Variants in FBRSL1 observed in about 807,000 individuals in gnomAD.
FBRSL1 encodes fibrosin like 1.
A neutral mutation model predicts 89.6 loss-of-function variants in FBRSL1; 51 were observed. That is an observed-to-expected ratio of 0.57 (90% confidence interval 0.45 to 0.72). The LOEUF is 0.72. Among genes scored for constraint, FBRSL1 ranks in the 30% least tolerant of loss-of-function variants. The pLI, the probability that FBRSL1 is intolerant of heterozygous loss-of-function variation, is 0.00. For synonymous variants in FBRSL1, 779 were observed against 681.1 expected (o/e 1.14, Z -2.24); for missense variants, 1,618 against 1,451.8 (o/e 1.11, Z -1.86).
At position 132,569,923 on chromosome 12, in the gene FBRSL1, C is replaced by T. The variant is rs370575686; in HGVS notation, c.692-3C>T. ...TCTGAACGCAGCCACCCTCTCTCTG[C>T]AGGCCCAGCGCTTGAGAAGTCGGAG... is the stretch of plus-strand genomic sequence containing the variant. On this transcript the variant is annotated splice_polypyrimidine_tract_variant and splice_region_variant and intron_variant, in intron 6 of 18. Transcript: ENST00000680143. 458 of 1,396,192 alleles carry T rather than the reference C, an allele frequency of 3.3e-4. 7 individuals carry two copies. In the African/African-American group the frequency reaches 4.9e-3, roughly 15 times the overall value. 86.5% of individuals were successfully genotyped at this position (1,396,192 alleles called of 1,614,324 possible).
intron 4 of FBRSL1, among the ~76,000 whole-genome samples, chr12:132,541,712 G>A (rs2037286083): frequency 2.0e-5 from 3 of 152,266 alleles, no homozygotes; most frequent in Admixed American, 1.3e-4. Context: ...CCGGTGCCAC[G>A]CCAGCCCCTG....
chr12:132,570,390 G>A lies in FBRSL1; in HGVS notation c.1063G>A (p.Gly355Arg), dbSNP rs898673476. 13 of 1,534,106 alleles carry A rather than the reference G, an allele frequency of 8.5e-6. No homozygotes were observed. Among genetic ancestry groups the A allele is most frequent in the East Asian group, 2.5e-5 (1 of 40,734 alleles). The change falls in exon 8 of 19, where the codon GGG becomes AGG. Residue 355 changes from glycine to arginine, a missense_variant. By Grantham distance (125) the Gly-to-Arg change is moderately radical (BLOSUM62 -2). Coordinates refer to ENST00000680143, the MANE Select transcript of FBRSL1 (RefSeq NM_001367871.1). ...GAAGCACGTGTCGCTGTCGCCACAC[G>A]GGCCGGGCCCCCACCTGTCTACCTC... ...LGKHVSLSPHGPGPHLSTSHL... is the reference protein window; with the variant it reads ...LGKHVSLSPHRPGPHLSTSHL...
intron 17 of FBRSL1, 21 bp from the exon 18 acceptor site, chr12:132,582,041 C>G: frequency 2.6e-6 from 4 of 1,531,756 alleles, no homozygotes; most frequent in Non-Finnish European, 3.5e-6. Context: ...CAACCTCATG[C>G]TCCCCGGCCT....
At chr12:132,525,650 A>C in intron 2 of FBRSL1, 84 bp from the exon 3 acceptor site, 1 of 1,109,892 alleles carries the variant, frequency 9.0e-7, no homozygotes, top group African/African-American at 1.6e-5. Context: ...TGCCGGGAGC[A>C]GGCATGTAGC....
intron 11 of FBRSL1, 79 bp from the exon 12 acceptor site, chr12:132,574,011 C>A: frequency 9.7e-7 from 1 of 1,026,766 alleles, no homozygotes; most frequent in Non-Finnish European, 1.2e-6. Flanking sequence ...CACAGGCCCA[C>A]GCCAGAACCA....
chr12:132,541,574 A>T (rs2037274720), intron 4 of FBRSL1, among the ~76,000 whole-genome samples: 2 of 152,172 alleles, frequency 1.3e-5, no homozygotes, highest in Non-Finnish European at 2.9e-5. Context: ...CACATGGTGG[A>T]GGGGTGCGGA....
rs1207520184 is a variant in FBRSL1, at chr12:132,583,637, G to GC, written c.2875dup (p.Leu959ProfsTer67). On this transcript the variant is annotated frameshift_variant, in exon 19 of 19. Coordinates refer to ENST00000680143, the MANE Select transcript of FBRSL1 (RefSeq NM_001367871.1). LOFTEE classifies it high-confidence loss of function. ...CCGCCGCCGCCGCCCTCGGCGCACC[G>GC]CCCCCCCTGGTGACGGCGGCCGGGC... The GC allele has an allele frequency of 4.8e-5, 48 of 1,003,910 alleles. No homozygotes were observed. The highest frequency in any genetic ancestry group is 5.3e-5 in the African/African-American group (3 of 56,966). The allele number at this position is 1,003,910 out of a possible 1,614,324, so 62.2% of individuals were successfully genotyped here. A position where few individuals can be genotyped will look rare whatever the true frequency, so the allele number is the denominator to read the frequency against.
At chr12:132,564,111 C>G (rs2039389526) in intron 5 of FBRSL1, among the ~76,000 whole-genome samples, 1 of 152,220 alleles carries the variant, frequency 6.6e-6, no homozygotes, top group Non-Finnish European at 1.5e-5. Context: ...CGCGTGCCGA[C>G]AGCAATTCCA....
chr12:132,501,331 G>A (rs557590178), intron 1 of FBRSL1, among the ~76,000 whole-genome samples: 2 of 152,348 alleles, frequency 1.3e-5, no homozygotes, highest in South Asian at 4.1e-4. Flanking sequence ...CCCCAGGCCT[G>A]TGGCTTTAGC....
chr12:132,527,785 G>A (rs777981721), intron 3 of FBRSL1, among the ~76,000 whole-genome samples, 168 bp from the exon 4 acceptor site: 7 of 146,944 alleles, frequency 4.8e-5, no homozygotes, highest in African/African-American at 1.2e-4. Flanking sequence ...CGGGGCTGCC[G>A]GGCAGGGTTG....
intron 4 of FBRSL1, among the ~76,000 whole-genome samples, chr12:132,531,246 G>A (rs941749638): frequency 2.0e-5 from 3 of 152,052 alleles, no homozygotes; most frequent in Non-Finnish European, 4.4e-5. Context: ...CAGGCGAGGG[G>A]CCCAGGCGAG....
Position 132,510,711 on chromosome 12 carries a change from C to T in FBRSL1, c.489+2361C>T, listed in dbSNP as rs2034235270. The T allele has an allele frequency of 8.2e-6, 10 of 1,217,116 alleles. No individual in the cohort carries two copies. In the East Asian group the frequency reaches 9.9e-5, roughly 12 times the overall value. The allele number at this position is 1,217,116 out of a possible 1,614,324, so 75.4% of individuals were successfully genotyped here. A position where few individuals can be genotyped will look rare whatever the true frequency, so the allele number is the denominator to read the frequency against. ...ATGAACCCGCGTCTGCCTGCCGCCC[C>T]GCCATGCTCCCTCTCCCCCCACTGG... On this transcript the variant is annotated intron_variant, in intron 2 of 18. Coordinates refer to ENST00000680143, the MANE Select transcript of FBRSL1 (RefSeq NM_001367871.1).
intron 2 of FBRSL1, among the ~76,000 whole-genome samples, chr12:132,524,884 C>G (rs2035658275): frequency 6.6e-6 from 1 of 152,222 alleles, no homozygotes; most frequent in Non-Finnish European, 1.5e-5. Context: ...GGGTCTGGTC[C>G]CTGCATGGTC....
At chr12:132,582,827 T>TG in intron 18 of FBRSL1, 144 bp from the exon 19 acceptor site, 1 of 595,202 alleles carries the variant, frequency 1.7e-6, no homozygotes, top group Non-Finnish European at 2.6e-6. Flanking sequence ...TGGGAGCCTG[T>TG]GGGGGTGCGG....
intron 15 of FBRSL1, among the ~76,000 whole-genome samples, chr12:132,578,091 T>C (rs557327705): frequency 3.4e-4 from 52 of 152,348 alleles, no homozygotes; most frequent in South Asian, 2.9e-3. Context: ...ATCCTTACGA[T>C]AGCATAAACA....
rs1338107861 is a variant in FBRSL1, at chr12:132,490,760, G to C, written c.190G>C (p.Ala64Pro). 8.9e-7 allele frequency: 1 copy of C among 1,117,444 alleles called. No homozygotes were observed. The highest frequency in any genetic ancestry group is 1.1e-6 in the Non-Finnish European group (1 of 919,262). The allele number at this position is 1,117,444 out of a possible 1,614,324, so 69.2% of individuals were successfully genotyped here. Reference sequence around the variant, plus strand: ...AGGCGCCGCCCCCGCGCCCCGCACCGCGCGTCCCCCGCGCCGCCGCCGCCG... The same window carrying C: ...AGGCGCCGCCCCCGCGCCCCGCACCCCGCGTCCCCCGCGCCGCCGCCGCCG... ...PRGAAPAPRT[A>P]RPPRRRRRES... The change falls in exon 1 of 19, where the codon GCG (alanine) becomes CCG (proline). Residue 64 changes from alanine to proline, a missense_variant. Ala to Pro is a conservative substitution (Grantham distance 27). Coordinates refer to ENST00000680143, the MANE Select transcript of FBRSL1 (RefSeq NM_001367871.1).
At chr12:132,557,659 G>A (rs2038788639) in intron 5 of FBRSL1, among the ~76,000 whole-genome samples, 1 of 152,202 alleles carries the variant, frequency 6.6e-6, no homozygotes, top group South Asian at 2.1e-4. Context: ...CAGTGGTGAG[G>A]TCCCAAGAGA....
chr12:132,503,020 GC>G (rs2033211375), intron 1 of FBRSL1, among the ~76,000 whole-genome samples: 1 of 151,854 alleles, frequency 6.6e-6, no homozygotes, highest in Admixed American at 6.6e-5. Flanking sequence ...GCTCTTCCCG[GC>G]CCGCACAGGG....
At chr12:132,498,414 G>A (rs2032409672) in intron 1 of FBRSL1, among the ~76,000 whole-genome samples, 1 of 152,182 alleles carries the variant, frequency 6.6e-6, no homozygotes, top group Non-Finnish European at 1.5e-5. Context: ...TGAGCTACAG[G>A]CTGTCGAGGA....
Sources: allele counts gnomAD v4.1 joint callset (sites outside exome capture counted in the v4.1 genomes callset), GRCh38; gene constraint gnomAD v4.1.1; transcripts MANE v1.5; gene names NCBI Gene and HGNC (gene_info 2026-07-23, HGNC 2026-07-21).